The following FTO variants were observed in gnomAD, a reference collection of about 807,000 sequenced individuals.
FTO encodes FTO alpha-ketoglutarate dependent dioxygenase, also known as alpha-ketoglutarate-dependent dioxygenase FTO.
Under a neutral mutation model 63.9 loss-of-function variants are expected in FTO, and 47 were observed. The observed-to-expected ratio is 0.74, with a 90% CI of 0.58 to 0.94. FTO has a LOEUF of 0.94. Among genes scored for constraint, FTO ranks in the 40% least tolerant of loss-of-function variants. The probability of loss-of-function intolerance (pLI) is 0.00; values close to 1 mark genes in which losing one functional copy is unlikely to be tolerated. For missense variants in FTO, 562 were observed against 618.1 expected (o/e 0.91, Z 0.96); for synonymous variants, 207 against 224.4 (o/e 0.92, Z 0.69).
intron 1 of FTO, among the ~76,000 whole-genome samples, chr16:53,705,495 A>G (rs779745826): frequency 2.0e-5 from 3 of 152,240 alleles, no homozygotes; most frequent in Non-Finnish European, 4.4e-5. Context: ...AAATATTGGC[A>G]GTGAATAACA....
chr16:53,839,772 T>TC, intron 3 of FTO, among the ~76,000 whole-genome samples: 2 of 17,084 alleles, frequency 1.2e-4, no homozygotes, highest in Middle Eastern at 0.056. Flanking sequence ...TGGTTTTCTT[T>TC]TTTTTTATTT....
chr16:53,899,120 A>T (rs1022505659), intron 7 of FTO, among the ~76,000 whole-genome samples: 1 of 152,242 alleles, frequency 6.6e-6, no homozygotes, highest in African/African-American at 2.4e-5. Context: ...TCTTTTTAAA[A>T]ACAAAATAAT....
At chr16:53,807,951 A>C (rs138423743) in intron 1 of FTO, among the ~76,000 whole-genome samples, 1 of 152,228 alleles carries the variant, frequency 6.6e-6, no homozygotes, top group South Asian at 2.1e-4. Flanking sequence ...TGAATTATCC[A>C]AACTGGTTTG....
chr16:53,921,546 A>G (rs1402328751), intron 7 of FTO, among the ~76,000 whole-genome samples: 1 of 152,192 alleles, frequency 6.6e-6, no homozygotes, highest in Non-Finnish European at 1.5e-5. Flanking sequence ...AATTAGGGGC[A>G]TGTGTGTGTT....
At chr16:53,870,935 A>G (rs1049484063) in intron 4 of FTO, among the ~76,000 whole-genome samples, 1 of 152,130 alleles carries the variant, frequency 6.6e-6, no homozygotes, top group Non-Finnish European at 1.5e-5. Context: ...GGTGTTCACT[A>G]TGTATAGAAT....
intron 1 of FTO, among the ~76,000 whole-genome samples, chr16:53,790,579 CAAA>C (rs34860208): frequency 5.4e-5 from 3 of 55,222 alleles, no homozygotes; most frequent in South Asian, 9.2e-4. Flanking sequence ...CAAAATAAAG[CAAA>C]AAAAAAAAAA....
At chr16:54,089,759 TG>T (rs1355466328) in intron 8 of FTO, among the ~76,000 whole-genome samples, 7 of 150,812 alleles carry the variant, frequency 4.6e-5, no homozygotes, top group African/African-American at 1.2e-4. Context: ...GATATATAAA[TG>T]GCAAATAAAT....
At chr16:53,983,086 A>G (rs1469742499) in intron 8 of FTO, among the ~76,000 whole-genome samples, 1 of 152,104 alleles carries the variant, frequency 6.6e-6, no homozygotes, top group Non-Finnish European at 1.5e-5. Context: ...AAATATGTAC[A>G]TTCATTTTTA....
intron 7 of FTO, among the ~76,000 whole-genome samples, chr16:53,928,219 T>TG (rs1295482094): frequency 1.3e-5 from 2 of 152,118 alleles, no homozygotes; most frequent in Admixed American, 6.5e-5. Context: ...AAAGTACTAA[T>TG]AAAATGAAAT....
chr16:54,072,781 C>A (rs1191774053), intron 8 of FTO, among the ~76,000 whole-genome samples: 1 of 152,094 alleles, frequency 6.6e-6, no homozygotes, highest in African/African-American at 2.4e-5. Flanking sequence ...TAGGAAGTAC[C>A]ACAGGGGGCT....
rs143177240 is a variant in FTO, at chr16:53,758,731, A to G, written c.46-51409A>G. Among the ~76,000 whole-genome samples, 4 of 152,334 alleles carry G rather than the reference A, an allele frequency of 2.6e-5. No individual in the cohort carries two copies. In the East Asian group the frequency reaches 5.8e-4, roughly 22 times the overall value. Reference sequence around the variant, plus strand: ...AACAGAAGAAAAGGAACCCAGAGGAACAGGAAAATGTGGAGAGCAGAAAAC... The same window carrying G: ...AACAGAAGAAAAGGAACCCAGAGGAGCAGGAAAATGTGGAGAGCAGAAAAC... On this transcript the variant is annotated intron_variant, in intron 1 of 8. Coordinates refer to ENST00000471389, the MANE Select transcript of FTO (RefSeq NM_001080432.3).
rs188727913 is a variant in FTO at position 53,794,483 on chromosome 16, T to C, written c.46-15657T>C. On this transcript the variant is annotated intron_variant, in intron 1 of 8. Transcript: ENST00000471389. Reference sequence around the variant, plus strand: ...AACAGAAAGCTAGATTTAGCTCCCATAGAGTGCTAGGACTGAAAGTTTACC... The same window carrying C: ...AACAGAAAGCTAGATTTAGCTCCCACAGAGTGCTAGGACTGAAAGTTTACC... Among the ~76,000 whole-genome samples, 8 of 152,278 alleles carry C rather than the reference T, an allele frequency of 5.3e-5. No homozygotes were observed. In the East Asian group the frequency reaches 1.5e-3, roughly 29 times the overall value.
chr16:53,905,369 A>G (rs1239104862), intron 7 of FTO, among the ~76,000 whole-genome samples: 1 of 152,210 alleles, frequency 6.6e-6, no homozygotes, highest in African/African-American at 2.4e-5. Flanking sequence ...AAATGGGGAT[A>G]ATAATAGTAT....
intron 1 of FTO, among the ~76,000 whole-genome samples, chr16:53,801,831 C>T (rs548997482): frequency 9.2e-5 from 14 of 152,022 alleles, no homozygotes; most frequent in African/African-American, 3.4e-4. Context: ...GTGAACTCGG[C>T]TCACTGCAAC....
At chr16:54,087,551 C>A (rs1192615947) in intron 8 of FTO, among the ~76,000 whole-genome samples, 2 of 152,146 alleles carry the variant, frequency 1.3e-5, no homozygotes, top group African/African-American at 4.8e-5. Context: ...CACCTGTAAT[C>A]CCGGCATTTT....
At chr16:53,728,571 TAAAC>T (rs1281868842) in intron 1 of FTO, among the ~76,000 whole-genome samples, 1 of 152,062 alleles carries the variant, frequency 6.6e-6, no homozygotes, top group Non-Finnish European at 1.5e-5. Flanking sequence ...AGACAAAAAA[TAAAC>T]AAACAAATAA....
chr16:53,825,963 C>T lies in FTO; in HGVS notation c.223C>T (p.His75Tyr). The change falls in exon 3 of 9, where the codon CAT (histidine) becomes TAT (tyrosine). Residue 75 changes from histidine to tyrosine, a missense_variant. His to Tyr is a moderately conservative substitution (Grantham distance 83). Transcript: ENST00000471389. The stretch of plus-strand genomic sequence containing the variant: ...AGAAGCCTTTCTCACACTGCACAAG[C>T]ATGGCTGCTTATTTCGGGACCTGGT... Reference protein sequence around the residue: ...VQEAFLTLHKHGCLFRDLVRI... With the variant: ...VQEAFLTLHKYGCLFRDLVRI... 6.2e-7 allele frequency: 1 copy of T among 1,614,198 alleles called. No homozygotes were observed. Among genetic ancestry groups the T allele is most frequent in the Non-Finnish European group, 8.5e-7 (1 of 1,180,042 alleles).
At chr16:53,955,728 G>T (rs796780998) in intron 8 of FTO, among the ~76,000 whole-genome samples, 7 of 152,310 alleles carry the variant, frequency 4.6e-5, no homozygotes, top group African/African-American at 1.4e-4. Flanking sequence ...ATAATTGATT[G>T]TGAGATAAAT....
chr16:54,076,382 A>G (rs764964223), intron 8 of FTO, among the ~76,000 whole-genome samples: 10 of 152,156 alleles, frequency 6.6e-5, no homozygotes, highest in Non-Finnish European at 1.2e-4. Flanking sequence ...TTTTCAGAGC[A>G]GCACCCTAGA....
Sources: gnomAD v4.1 joint callset for allele counts (sites outside exome capture counted in the v4.1 genomes callset) on GRCh38, gnomAD v4.1.1 for gene constraint, MANE v1.5 for transcripts, NCBI Gene and HGNC (gene_info 2026-07-23, HGNC 2026-07-21) for gene names.